TTC23L: variants seen among roughly 807,000 people sequenced by gnomAD.
TTC23L encodes the protein tetratricopeptide repeat protein 23-like.
A neutral mutation model predicts 48.1 loss-of-function variants in TTC23L; 42 were observed. The ratio of observed to expected loss-of-function variants is 0.87; its 90% confidence interval spans 0.68 to 1.13. TTC23L has a LOEUF of 1.13. Ranked by LOEUF, TTC23L falls within the 50% of genes most tolerant of loss-of-function variation. The probability of loss-of-function intolerance (pLI) is 0.00; values close to 1 mark genes in which losing one functional copy is unlikely to be tolerated. For missense variants in TTC23L, 391 were observed against 421.0 expected (o/e 0.93, Z 0.62); for synonymous variants, 159 against 157.2 (o/e 1.01, Z -0.09).
chr5:34,883,546 AAG>A (rs1266670753), intron 9 of TTC23L: 1 of 158,070 alleles, frequency 6.3e-6, no homozygotes, highest in Non-Finnish European at 1.4e-5. Context: ...CTCAAAGGAA[AAG>A]AGAGAAGACT....
At chr5:34,915,099 T>A in the TTC23L span, 1 of 576,386 alleles carries the variant, frequency 1.7e-6, no homozygotes, top group Non-Finnish European at 3.1e-6. Context: ...CTTAACTATC[T>A]TTGTAATTCT....
exon 4 of TTC23L, chr5:34,850,286 T>A (rs1348361258): frequency 2.5e-6 from 4 of 1,613,880 alleles, no homozygotes; most frequent in Non-Finnish European, 3.4e-6. Context: ...CCAACCTAGC[T>A]TATGGCTACT....
chr5:34,842,572 G>A (rs1758777609), intron 2 of TTC23L, among the ~76,000 whole-genome samples: 1 of 152,138 alleles, frequency 6.6e-6, no homozygotes, highest in South Asian at 2.1e-4. Context: ...TATTTATTAG[G>A]CAAAAGAGAT....
At chr5:34,923,626 C>CTCAAATCA in the TTC23L span, among the ~76,000 whole-genome samples, 1 of 152,058 alleles carries the variant, frequency 6.6e-6, no homozygotes. Flanking sequence ...CTAGGTTGGC[C>CTCAAATCA]TTGAACCTCC....
At chr5:34,888,151 G>A (rs1372840213) in intron 9 of TTC23L, among the ~76,000 whole-genome samples, 1 of 152,074 alleles carries the variant, frequency 6.6e-6, no homozygotes, top group African/African-American at 2.4e-5. Flanking sequence ...TGAGTTTACA[G>A]AAAGAAGATG....
chr5:34,893,232 T>C (rs1269709516), intron 9 of TTC23L, among the ~76,000 whole-genome samples: 1 of 152,156 alleles, frequency 6.6e-6, no homozygotes, highest in Non-Finnish European at 1.5e-5. Context: ...GTTTCTAGCT[T>C]GGGCAACTGG....
At chr5:34,919,415 T>C in the TTC23L span, among the ~76,000 whole-genome samples, 2 of 152,092 alleles carry the variant, frequency 1.3e-5, no homozygotes, top group Non-Finnish European at 2.9e-5. Context: ...TAACTTATTT[T>C]AGATTCAAGG....
downstream of TTC23L, among the ~76,000 whole-genome samples, chr5:34,901,779 C>CAA (rs545257033): frequency 2.7e-3 from 385 of 143,782 alleles, 2 homozygotes; most frequent in African/African-American, 9.9e-3. Context: ...AAAAACAAAA[C>CAA]AACAACAAAA....
rs200381610 is a variant in TTC23L at position 34,881,797 on chromosome 5, T to C, written c.1077+1489T>C. Among the ~76,000 whole-genome samples, 3 of 148,650 alleles carry C rather than the reference T, an allele frequency of 2.0e-5. No homozygotes were observed. The East Asian group carries it at 6.0e-4, about 30-fold the overall frequency. On this transcript the variant is annotated intron_variant, in intron 9 of 10. Transcript: ENST00000505624. ...TTTTTTTTTTTTGAGACAGAGTCACTCTGTTGCCCAGGCTGGAATGCAGTG... is the reference window on the plus strand; with the variant it reads ...TTTTTTTTTTTTGAGACAGAGTCACCCTGTTGCCCAGGCTGGAATGCAGTG...
At chr5:34,844,373 C>T (rs1319018117) in intron 2 of TTC23L, among the ~76,000 whole-genome samples, 1 of 146,822 alleles carries the variant, frequency 6.8e-6, no homozygotes, top group Non-Finnish European at 1.5e-5. Context: ...TTTTTCAAAC[C>T]TGGTGTAAAA....
At chr5:34,850,132 G>A (rs1310178567) in intron 3 of TTC23L, 53 bp from the exon 4 acceptor site, 40 of 1,602,312 alleles carry the variant, frequency 2.5e-5, no homozygotes, top group Non-Finnish European at 3.3e-5. Context: ...AAGTCCATGG[G>A]GTAGAGACTT....
At chr5:34,850,646 C>G (rs548759460) in intron 4 of TTC23L, among the ~76,000 whole-genome samples, 15 of 152,008 alleles carry the variant, frequency 9.9e-5, no homozygotes, top group Non-Finnish European at 2.9e-5. Context: ...GGGTTCCAGC[C>G]GGAGGACAGT....
intron 9 of TTC23L, chr5:34,883,305 T>C (rs1269291544): frequency 6.5e-6 from 1 of 153,614 alleles, no homozygotes; most frequent in Non-Finnish European, 1.5e-5. Flanking sequence ...TTTGACAAGA[T>C]TCTTGCCAAC....
At chr5:34,850,344 C>T (rs1580425743) in intron 4 of TTC23L, 36 bp downstream of exon 4, 2 of 1,611,814 alleles carry the variant, frequency 1.2e-6, no homozygotes, top group East Asian at 4.5e-5. Context: ...GGGTGGCCAG[C>T]CTCTGAAGGC....
the TTC23L span, chr5:34,925,613 G>T: frequency 2.6e-6 from 2 of 772,402 alleles, no homozygotes; most frequent in East Asian, 3.0e-5. Flanking sequence ...TTACAAGAAA[G>T]AAAAATTAAG....
chr5:34,856,258 C>G (rs545832293), intron 4 of TTC23L, among the ~76,000 whole-genome samples: 1 of 152,266 alleles, frequency 6.6e-6, no homozygotes, highest in East Asian at 1.9e-4. Flanking sequence ...GTTCCAAAAT[C>G]TAAAACTTTT....
At chr5:34,847,426 G>T (rs1481084038) in intron 3 of TTC23L, among the ~76,000 whole-genome samples, 1 of 151,376 alleles carries the variant, frequency 6.6e-6, no homozygotes, top group African/African-American at 2.4e-5. Context: ...TCATCAAATT[G>T]TATAAAGTGA....
rs1184526123 is a variant in TTC23L, at chr5:34,896,709, CA to C, written c.1078-59del. 6 of 753,342 alleles carry C rather than the reference CA, an allele frequency of 8.0e-6. No homozygotes were observed. In the African/African-American group the frequency reaches 1.0e-4, roughly 13 times the overall value. The allele number at this position is 753,342 out of a possible 1,614,324, so 46.7% of individuals were successfully genotyped here. The stretch of plus-strand genomic sequence containing the variant: ...ATTCTCAGTGCAATGAAAGGAGAGA[CA>C]ATCTATGAGAATTGGAAAACACTTC... On this transcript the variant is annotated intron_variant, in intron 9 of 10. Coordinates refer to ENST00000505624, the Ensembl canonical transcript of TTC23L.
At chr5:34,868,773 G>T (rs1490637996) in intron 7 of TTC23L, 132 bp from the exon 8 acceptor site, 2 of 718,080 alleles carry the variant, frequency 2.8e-6, no homozygotes, top group Non-Finnish European at 4.9e-6. Flanking sequence ...TTCTACGAAT[G>T]AAGGTGAAAT....
Sources: allele counts gnomAD v4.1 joint callset (sites outside exome capture counted in the v4.1 genomes callset), GRCh38; gene constraint gnomAD v4.1.1; transcripts MANE v1.5; gene names NCBI Gene and HGNC (gene_info 2026-07-23, HGNC 2026-07-21).